The following SLC25A12 variants were observed in gnomAD, a reference collection of about 807,000 sequenced individuals.
The protein encoded by SLC25A12 is electrogenic aspartate/glutamate antiporter SLC25A12, mitochondrial.
SLC25A12 carries 32 observed loss-of-function variants against 83.3 expected under a neutral mutation model. The observed-to-expected ratio is 0.38, with a 90% CI of 0.29 to 0.52. SLC25A12 has a LOEUF of 0.52. Among genes scored for constraint, SLC25A12 ranks in the 20% least tolerant of loss-of-function variants. The pLI, the probability that SLC25A12 is intolerant of heterozygous loss-of-function variation, is 0.84. For missense variants in SLC25A12, 611 were observed against 835.6 expected, an observed-to-expected ratio of 0.73 and a Z score of 3.31; for synonymous variants, 267 against 291.1, an observed-to-expected ratio of 0.92 and a Z score of 0.84.
At chr2:171,830,466 A>T (rs1471985601) in intron 8 of SLC25A12, among the ~76,000 whole-genome samples, 2 of 152,170 alleles carry the variant, frequency 1.3e-5, no homozygotes, top group Non-Finnish European at 2.9e-5. Flanking sequence ...AGCATAAAGA[A>T]ATTTGAATAC....
chr2:171,787,987 T>G (rs773822067), intron 15 of SLC25A12, 40 bp from the exon 16 acceptor site: 306 of 1,604,348 alleles, frequency 1.9e-4, no homozygotes, highest in Non-Finnish European at 2.6e-4. Flanking sequence ...CTAGAGTACC[T>G]TATAAAAGAT....
intron 13 of SLC25A12, 79 bp from the exon 14 acceptor site, chr2:171,793,846 G>A: frequency 1.3e-6 from 2 of 1,491,806 alleles, no homozygotes; most frequent in South Asian, 1.1e-5. Flanking sequence ...ATCCAGCAAA[G>A]CCTCCACATC....
At chr2:171,826,934 C>A (rs555554904) in intron 8 of SLC25A12, 52 bp from the exon 9 acceptor site, 7 of 918,900 alleles carry the variant, frequency 7.6e-6, no homozygotes, top group African/African-American at 1.7e-5. Flanking sequence ...ACTCCTCACG[C>A]CAAAATCATC....
intron 3 of SLC25A12, among the ~76,000 whole-genome samples, chr2:171,865,426 C>T (rs1030665098): frequency 2.6e-5 from 4 of 151,978 alleles, no homozygotes; most frequent in Admixed American, 6.6e-5. Context: ...TTTGGGAGGC[C>T]GAGGCAGGCA....
At chr2:171,788,209 A>AG in intron 15 of SLC25A12, 1 of 381,632 alleles carries the variant, frequency 2.6e-6, no homozygotes. Context: ...ACTGTGAGAG[A>AG]GAAAAAAAAA....
At chr2:171,806,826 C>T (rs1683843457) in intron 13 of SLC25A12, among the ~76,000 whole-genome samples, 1 of 152,134 alleles carries the variant, frequency 6.6e-6, no homozygotes, top group Non-Finnish European at 1.5e-5. Flanking sequence ...CAGCACTCAG[C>T]CAAAAGCCAT....
Position 171,879,416 on chromosome 2 carries a change from T to A in SLC25A12, c.67-10593A>T, listed in dbSNP as rs149355741. On this transcript the variant is annotated intron_variant, in intron 2 of 17. Coordinates refer to ENST00000422440, the MANE Select transcript of SLC25A12 (RefSeq NM_003705.5). ...CACTGTCCACTATAGTAAGCCCTACTGTCAGCTACTGAATGATGCAATTTC... is the reference window on the plus strand; with the variant it reads ...CACTGTCCACTATAGTAAGCCCTACAGTCAGCTACTGAATGATGCAATTTC... 6.0e-3 allele frequency among the ~76,000 whole-genome samples: 914 copies of A among 152,362 alleles called. 7 individuals are homozygous for A. Among genetic ancestry groups the A allele is most frequent in the African/African-American group, 0.019 (774 of 41,576 alleles).
At chr2:171,866,419 G>A (rs1685305865) in intron 3 of SLC25A12, among the ~76,000 whole-genome samples, 3 of 146,750 alleles carry the variant, frequency 2.0e-5, no homozygotes, top group South Asian at 2.3e-4. Flanking sequence ...CCGGGCAGAG[G>A]CGCCCCTCAC....
intron 13 of SLC25A12, among the ~76,000 whole-genome samples, chr2:171,796,240 C>G (rs568839690): frequency 6.6e-6 from 1 of 152,222 alleles, no homozygotes; most frequent in Non-Finnish European, 1.5e-5. Flanking sequence ...AGCCACTGCA[C>G]CCAGCTGGGA....
chr2:171,854,508 C>A (rs148607924), intron 4 of SLC25A12, among the ~76,000 whole-genome samples: 150 of 151,866 alleles, frequency 9.9e-4, no homozygotes, highest in Middle Eastern at 3.4e-3. Context: ...CAGGGGTTGC[C>A]GTGAGCCAAG....
intron 13 of SLC25A12, chr2:171,809,351 T>C (rs975074505): frequency 2.0e-6 from 1 of 489,846 alleles, no homozygotes; most frequent in African/African-American, 2.0e-5. Context: ...TTTCTCCACA[T>C]CCTCTCCAGC....
intron 13 of SLC25A12, among the ~76,000 whole-genome samples, chr2:171,803,600 A>T (rs989766636): frequency 3.9e-5 from 6 of 152,170 alleles, no homozygotes; most frequent in African/African-American, 1.4e-4. Context: ...TGGCTATAGT[A>T]AAAAGACAAT....
intron 9 of SLC25A12, among the ~76,000 whole-genome samples, chr2:171,816,062 CTTT>C (rs761249375): frequency 3.9e-5 from 5 of 127,478 alleles, no homozygotes; most frequent in Admixed American, 8.0e-5. Context: ...AAAAATATTC[CTTT>C]TTTTTTTTTT....
Position 171,785,187 on chromosome 2 carries a change from C to A in SLC25A12, c.*87G>T, listed in dbSNP as rs1690464051. On this transcript the variant is annotated 3_prime_UTR_variant, in exon 18 of 18. Coordinates refer to ENST00000422440, the MANE Select transcript of SLC25A12 (RefSeq NM_003705.5). The stretch of plus-strand genomic sequence containing the variant: ...TTTGACTCCTCAGCTCAGTCAGTAC[C>A]ATGCAGCTGACTGGATACATTACAG... The A allele has an allele frequency of 2.5e-6, 3 of 1,196,178 alleles. No homozygotes were observed. The highest frequency in any genetic ancestry group is 3.7e-6 in the Non-Finnish European group (3 of 805,548). The allele number at this position is 1,196,178 out of a possible 1,614,324, so 74.1% of individuals were successfully genotyped here. A position where few individuals can be genotyped will look rare whatever the true frequency, so the allele number is the denominator to read the frequency against.
In SLC25A12 at chr2:171,783,670, A is replaced by T. The variant is rs1349698257; in HGVS notation, c.*1604T>A. Among the ~76,000 whole-genome samples the T allele has an allele frequency of 6.6e-6, 1 of 152,230 alleles. No individual in the cohort carries two copies. The highest frequency in any genetic ancestry group is 1.5e-5 in the Non-Finnish European group (1 of 68,046). On this transcript the variant is annotated 3_prime_UTR_variant, in exon 18 of 18. Coordinates refer to ENST00000422440, the MANE Select transcript of SLC25A12 (RefSeq NM_003705.5). ...TTCCCATCTCACTCTAGATACATACATAGGATTCTTTTGTAATCACATATC... is the reference window on the plus strand; with the variant it reads ...TTCCCATCTCACTCTAGATACATACTTAGGATTCTTTTGTAATCACATATC...
chr2:171,842,005 C>A (rs1684681436), intron 5 of SLC25A12, among the ~76,000 whole-genome samples: 1 of 152,068 alleles, frequency 6.6e-6, no homozygotes, highest in Non-Finnish European at 1.5e-5. Context: ...TACCATATGA[C>A]CCAGAAATTA....
intron 3 of SLC25A12, among the ~76,000 whole-genome samples, chr2:171,861,139 T>C (rs920303866): frequency 1.3e-5 from 2 of 151,054 alleles, no homozygotes; most frequent in African/African-American, 2.4e-5. Flanking sequence ...ATAATAATAA[T>C]AATATAATCT....
At chr2:171,879,631 T>G (rs1431180120) in intron 2 of SLC25A12, among the ~76,000 whole-genome samples, 1 of 152,168 alleles carries the variant, frequency 6.6e-6, no homozygotes, top group Non-Finnish European at 1.5e-5. Flanking sequence ...AATAATTAAT[T>G]TGCATCATTC....
rs374154447 is a variant in SLC25A12 at position 171,844,479 on chromosome 2, T to C, written c.355A>G (p.Ile119Val). The C allele has an allele frequency of 8.7e-6, 14 of 1,604,730 alleles. No individual in the cohort carries two copies. The African/African-American group carries it at 1.2e-4, about 14-fold the overall frequency. ...TTAAAAGGGATATGATGATGAATAA[T>C]AGTCTGTCCAAAAATTTCTTTGACA... ...ENVKEIFGQT[I>V]IHHHIPFNWD... Residue 119 changes from isoleucine to valine, a missense_variant, in exon 5 of 18, where the codon ATT becomes GTT. Transcript: ENST00000422440.
Sources: gnomAD v4.1 joint callset for allele counts (sites outside exome capture counted in the v4.1 genomes callset) on GRCh38, gnomAD v4.1.1 for gene constraint, MANE v1.5 for transcripts, NCBI Gene and HGNC (gene_info 2026-07-23, HGNC 2026-07-21) for gene names.